PALD1: variants seen among roughly 807,000 people sequenced by gnomAD.
The protein encoded by PALD1 is paladin.
A neutral mutation model predicts 96.0 loss-of-function variants in PALD1; 57 were observed. The ratio of observed to expected loss-of-function variants is 0.59; its 90% CI spans 0.48 to 0.74. PALD1 has a LOEUF of 0.74. Among genes scored for constraint, PALD1 ranks in the 30% least tolerant of loss-of-function variants. PALD1 has a pLI of 0.00. For synonymous variants in PALD1, 464 were observed against 473.6 expected (o/e 0.98, Z 0.26); for missense variants, 1,063 against 1,143.7 (o/e 0.93, Z 1.02).
At position 70,534,516 on chromosome 10, in the gene PALD1, G is replaced by A. The variant is rs2132379666; in HGVS notation, c.1114G>A (p.Val372Met). ...CATGGTGCCCCAGGGAAGGAGGATG[G>A]TGGAAGAGGTGAGTGAGGGACAGCA... is the stretch of plus-strand genomic sequence containing the variant. ...LRMVPQGRRM[V>M]EEVDRAITAC... is the part of the protein sequence containing the mutation. The change falls in exon 9 of 20, where the codon GTG (valine) becomes ATG (methionine). Residue 372 changes from valine (V) to methionine (M), a missense_variant. Transcript: ENST00000263563. 1.9e-6 allele frequency: 3 copies of A among 1,610,224 alleles called. No individual in the cohort carries two copies. Among genetic ancestry groups the A allele is most frequent in the East Asian group, 2.2e-5 (1 of 44,852 alleles).
chr10:70,472,476 G>T, the PALD1 span, among the ~76,000 whole-genome samples: 1 of 152,040 alleles, frequency 6.6e-6, no homozygotes, highest in Non-Finnish European at 1.5e-5. Flanking sequence ...GGCCGGGTTG[G>T]TCTCAAACTC....
At chr10:70,553,493 A>T (rs1263501238) in intron 18 of PALD1, among the ~76,000 whole-genome samples, 1 of 152,242 alleles carries the variant, frequency 6.6e-6, no homozygotes, top group Non-Finnish European at 1.5e-5. Context: ...AGTGCCGGCC[A>T]CACATGTCCT....
chr10:70,533,767 G>A (rs1265409839), intron 7 of PALD1, among the ~76,000 whole-genome samples, 155 bp from the exon 8 acceptor site: 2 of 152,236 alleles, frequency 1.3e-5, no homozygotes, highest in African/African-American at 4.8e-5. Context: ...TGATCAGGCT[G>A]TGGCTTTGGC....
chr10:70,539,131 A>T lies in PALD1; in HGVS notation c.1609A>T (p.Arg537Trp). ...SILAYLTDAK[R>W]RLRKVVWVSL... ...CCTGGCCTACCTGACGGACGCCAAG[A>T]GGAGGCTGCGGAAGGTTGTCTGGGT... Residue 537 changes from arginine to tryptophan, a missense_variant, in exon 14 of 20, where the codon AGG (arginine) becomes TGG (tryptophan). By Grantham distance (101) the Arg-to-Trp change is moderately radical. Coordinates refer to ENST00000263563, the MANE Select transcript of PALD1 (RefSeq NM_014431.3). This position sits in a 1 kb window ranked among gnomAD's most constrained non-coding sequence, Gnocchi z 4.5. 1 of 1,613,792 alleles carries T rather than the reference A, an allele frequency of 6.2e-7. No homozygotes were observed. Among genetic ancestry groups the T allele is most frequent in the Non-Finnish European group, 8.5e-7 (1 of 1,179,866 alleles).
the PALD1 span, among the ~76,000 whole-genome samples, chr10:70,473,268 C>T: frequency 3.9e-5 from 6 of 152,198 alleles, no homozygotes; most frequent in East Asian, 5.8e-4. Flanking sequence ...TGAAATGATC[C>T]GTGACTTGTC....
chr10:70,487,502 T>A (rs1384847583), intron 1 of PALD1, among the ~76,000 whole-genome samples: 2 of 151,878 alleles, frequency 1.3e-5, no homozygotes, highest in Non-Finnish European at 2.9e-5. Flanking sequence ...GTTTTTTTTT[T>A]AAACTGAGGT....
intron 1 of PALD1, among the ~76,000 whole-genome samples, chr10:70,483,842 G>A (rs1014454397): frequency 2.0e-5 from 3 of 152,186 alleles, no homozygotes; most frequent in African/African-American, 7.2e-5. Flanking sequence ...TGTGTCCCCG[G>A]CTTTTTTTAG....
At chr10:70,536,406 TC>T (rs1210683841) in intron 10 of PALD1, among the ~76,000 whole-genome samples, 1 of 152,168 alleles carries the variant, frequency 6.6e-6, no homozygotes, top group Non-Finnish European at 1.5e-5. Flanking sequence ...TACTAAACAG[TC>T]CCCCTCTTCT....
chr10:70,506,700 C>T (rs551982926), intron 1 of PALD1, among the ~76,000 whole-genome samples: 1 of 152,142 alleles, frequency 6.6e-6, no homozygotes. Context: ...TTGATAGGTG[C>T]CCCATTTTAC....
intron 1 of PALD1, among the ~76,000 whole-genome samples, chr10:70,506,863 A>G (rs555980421): frequency 1.3e-5 from 2 of 152,138 alleles, no homozygotes; most frequent in African/African-American, 4.8e-5. Context: ...TCTGGCCTCC[A>G]TGTGTCCTCC....
In PALD1 at chr10:70,540,138, C is replaced by T. The variant is rs1011788801; in HGVS notation, c.1908+376C>T. Among the ~76,000 whole-genome samples the T allele has an allele frequency of 1.2e-4, 18 of 150,334 alleles. No individual in the cohort carries two copies. The highest frequency in any genetic ancestry group is 2.2e-4 in the Non-Finnish European group (15 of 67,466). ...TGTGTTATAGGTGTGTGTGTGTTATCGGGGTGTGTGTGTATTCTGTTACAG... is the reference window on the plus strand; with the variant it reads ...TGTGTTATAGGTGTGTGTGTGTTATTGGGGTGTGTGTGTATTCTGTTACAG... On this transcript the variant is annotated intron_variant, in intron 15 of 19. Coordinates refer to ENST00000263563, the MANE Select transcript of PALD1 (RefSeq NM_014431.3). This position sits in a 1 kb window ranked among gnomAD's most constrained non-coding sequence, Gnocchi z 4.2.
At chr10:70,554,040 C>T (rs7101009) in intron 18 of PALD1, among the ~76,000 whole-genome samples, 2,644 of 152,328 alleles carry the variant, frequency 0.017, 66 homozygotes, top group African/African-American at 0.06. Context: ...CTGCAGCCCA[C>T]GGCGGTGCCC....
intron 18 of PALD1, among the ~76,000 whole-genome samples, chr10:70,553,716 C>T (rs930881368): frequency 6.6e-6 from 1 of 152,204 alleles, no homozygotes; most frequent in African/African-American, 2.4e-5. Flanking sequence ...CCCCTGACTC[C>T]CAGATTGAGC....
chr10:70,528,532 A>C (rs1846918074), intron 2 of PALD1, among the ~76,000 whole-genome samples: 7 of 152,214 alleles, frequency 4.6e-5, no homozygotes, highest in Admixed American at 4.6e-4. Flanking sequence ...GTTGGGCTTC[A>C]TGCCCCAAGC....
rs934774410 is a variant in PALD1 at position 70,540,099 on chromosome 10, TTG to T, written c.1908+341_1908+342del. On this transcript the variant is annotated intron_variant, in intron 15 of 19. Transcript: ENST00000263563. The surrounding 1 kb of genome is among the most constrained non-coding windows in gnomAD (Gnocchi z 4.2). Reference sequence around the variant, plus strand: ...ATGTTGTAGGGTGTATGTGTGTGTATTGTGTTATGGGTGTGTGTTATAGGTGT... The same window carrying T: ...ATGTTGTAGGGTGTATGTGTGTGTATTGTTATGGGTGTGTGTTATAGGTGT... Among the ~76,000 whole-genome samples, 1 of 151,942 alleles carries T rather than the reference TTG, an allele frequency of 6.6e-6. No homozygotes were observed. Among genetic ancestry groups the T allele is most frequent in the African/African-American group, 2.4e-5 (1 of 41,324 alleles).
At chr10:70,533,765 C>G (rs1258565494) in intron 7 of PALD1, among the ~76,000 whole-genome samples, 157 bp from the exon 8 acceptor site, 1 of 152,234 alleles carries the variant, frequency 6.6e-6, no homozygotes, top group Non-Finnish European at 1.5e-5. Flanking sequence ...GCTGATCAGG[C>G]TGTGGCTTTG....
chr10:70,464,581 C>G, the PALD1 span, among the ~76,000 whole-genome samples: 1 of 150,688 alleles, frequency 6.6e-6, no homozygotes, highest in Admixed American at 6.6e-5. Flanking sequence ...GGGTAGTTCA[C>G]TCATTTCAGT....
chr10:70,487,708 CAAAA>C (rs1002772379), intron 1 of PALD1, among the ~76,000 whole-genome samples: 16 of 150,306 alleles, frequency 1.1e-4, no homozygotes, highest in Admixed American at 2.6e-4. Context: ...AAAAAAAAAA[CAAAA>C]AAACAAAAAA....
At chr10:70,496,537 G>T (rs1015802149) in intron 1 of PALD1, among the ~76,000 whole-genome samples, 9 of 152,122 alleles carry the variant, frequency 5.9e-5, no homozygotes, top group African/African-American at 1.9e-4. Flanking sequence ...GTTTTTATCT[G>T]GTGTCTTTCA....
Sources: allele counts gnomAD v4.1 joint callset (sites outside exome capture counted in the v4.1 genomes callset), GRCh38; gene constraint gnomAD v4.1.1; non-coding constraint Gnocchi (gnomAD v3.1); transcripts MANE v1.5; gene names NCBI Gene and HGNC (gene_info 2026-07-23, HGNC 2026-07-21).